The following XYLT1 variants were observed in gnomAD, a reference collection of about 807,000 sequenced individuals.
The protein encoded by XYLT1 is beta-D-xylosyltransferase 1.
A neutral mutation model predicts 91.3 loss-of-function variants in XYLT1; 36 were observed. That is an observed-to-expected ratio of 0.39 (90% confidence interval 0.30 to 0.52). The LOEUF is 0.52. XYLT1 is among the 20% of genes least tolerant of loss of function. XYLT1 has a pLI of 0.68. For missense variants in XYLT1, 1,242 were observed against 1,284.5 expected (o/e 0.97, Z 0.51); for synonymous variants, 588 against 532.0 (o/e 1.11, Z -1.45).
At position 17,102,533 on chromosome 16, in the gene XYLT1, T is replaced by C. The variant is rs1966718425; in HGVS notation, c.*6162A>G. The C allele has an allele frequency of 6.6e-6, 1 of 152,606 alleles. No individual in the cohort carries two copies. Among genetic ancestry groups the C allele is most frequent in the Non-Finnish European group, 1.5e-5 (1 of 68,044 alleles). The allele number at this position is 152,606 out of a possible 1,614,324, so 9.5% of individuals were successfully genotyped here. A position where few individuals can be genotyped will look rare whatever the true frequency, so the allele number is the denominator to read the frequency against. On this transcript the variant is annotated 3_prime_UTR_variant, in exon 12 of 12. Coordinates refer to ENST00000261381, the MANE Select transcript of XYLT1 (RefSeq NM_022166.4). Reference sequence around the variant, plus strand: ...TAAGGCACAATTTTGTTGTTGTTGTTGTTCTGCAAAATAAAAAGACAGAAA... The same window carrying C: ...TAAGGCACAATTTTGTTGTTGTTGTCGTTCTGCAAAATAAAAAGACAGAAA...
chr16:17,148,774 AAGAT>A, intron 6 of XYLT1, among the ~76,000 whole-genome samples: 1 of 152,342 alleles, frequency 6.6e-6, no homozygotes. Context: ...TCCCACCAAA[AAGAT>A]AGAAAGAACG....
chr16:17,289,766 A>G (rs1160857030), intron 2 of XYLT1, among the ~76,000 whole-genome samples: 1 of 152,220 alleles, frequency 6.6e-6, no homozygotes, highest in African/African-American at 2.4e-5. Flanking sequence ...ACCAAAATGA[A>G]AACAAAACAA....
chr16:17,117,946 A>G lies in XYLT1; in HGVS notation c.2257T>C (p.Phe753Leu), dbSNP rs1451558468. ...CCCAGAAGACCCCCAAAGTTGCGGA[A>G]TAGCCTCTCCTTGGCATCCCAGTCA... ...GTDWDAKERL[F>L]RNFGGLLGPM... is the part of the protein sequence containing the mutation. The change falls in exon 11 of 12, where the codon TTC becomes CTC. Residue 753 changes from phenylalanine to leucine, a missense_variant. Physicochemically the swap from Phe to Leu is conservative, Grantham distance 22 (BLOSUM62 0). Coordinates refer to ENST00000261381, the MANE Select transcript of XYLT1 (RefSeq NM_022166.4). The G allele has an allele frequency of 6.2e-7, 1 of 1,613,322 alleles. No homozygotes were observed. The highest frequency in any genetic ancestry group is 8.5e-7 in the Non-Finnish European group (1 of 1,179,288).
chr16:17,250,544 T>A (rs2141747544), intron 3 of XYLT1: 1 of 152,332 alleles, frequency 6.6e-6, no homozygotes, highest in Admixed American at 6.5e-5. Flanking sequence ...ATCTGGCCCT[T>A]TATAGAAACT....
At chr16:17,250,135 G>T in intron 3 of XYLT1, 1 of 152,228 alleles carries the variant, frequency 6.6e-6, no homozygotes, top group East Asian at 1.9e-4. Flanking sequence ...CTCCATGAGG[G>T]TACAGCCATC....
chr16:17,463,390 C>T (rs756194008), intron 1 of XYLT1, among the ~76,000 whole-genome samples: 6 of 152,050 alleles, frequency 3.9e-5, no homozygotes, highest in African/African-American at 4.8e-5. Flanking sequence ...ACAAGTAGTC[C>T]AATTTTTTAA....
At chr16:17,434,067 A>C (rs528289721) in intron 1 of XYLT1, among the ~76,000 whole-genome samples, 3 of 152,284 alleles carry the variant, frequency 2.0e-5, no homozygotes, top group South Asian at 2.1e-4. Flanking sequence ...GTATTGCATA[A>C]ATCCCATTAC....
intron 1 of XYLT1, among the ~76,000 whole-genome samples, chr16:17,450,085 T>TC: frequency 6.6e-6 from 1 of 152,092 alleles, no homozygotes; most frequent in Non-Finnish European, 1.5e-5. Context: ...ACACCTGTAA[T>TC]CCAGCACTTT....
intron 5 of XYLT1, among the ~76,000 whole-genome samples, chr16:17,178,826 T>C (rs756388310): frequency 3.9e-5 from 6 of 152,270 alleles, no homozygotes; most frequent in Admixed American, 1.3e-4. Flanking sequence ...TCCCAGAACT[T>C]TGTGAGCTCG....
intron 5 of XYLT1, among the ~76,000 whole-genome samples, chr16:17,161,154 G>A (rs1471402394): frequency 6.6e-6 from 1 of 152,210 alleles, no homozygotes; most frequent in Non-Finnish European, 1.5e-5. Flanking sequence ...CCCAGAAAGC[G>A]CCTTTCAGGG....
intron 3 of XYLT1, among the ~76,000 whole-genome samples, chr16:17,240,160 A>AT (rs1262034210): frequency 6.6e-6 from 1 of 152,236 alleles, no homozygotes; most frequent in Non-Finnish European, 1.5e-5. Context: ...AACTGCATGA[A>AT]TTGCTGGGAG....
rs1037051580 is a variant in XYLT1, at chr16:17,470,510, C to G, written c.287G>C (p.Arg96Pro). 102 of 1,229,586 alleles carry G rather than the reference C, an allele frequency of 8.3e-5. No homozygotes were observed. Among genetic ancestry groups the G allele is most frequent in the Non-Finnish European group, 9.9e-5 (98 of 987,128 alleles). The allele number at this position is 1,229,586 out of a possible 1,614,324, so 76.2% of individuals were successfully genotyped here. Residue 96 changes from arginine (R) to proline (P), a missense_variant, in exon 1 of 12, where the codon CGG (arginine) becomes CCG (proline). Physicochemically the swap from Arg to Pro is moderately radical, Grantham distance 103. Transcript: ENST00000261381. ...TTCTCCGGGGCCGCCTCCCCGCGCCCGCGCCTGGGGCCCCCGTCCTCCTCC... is the reference window on the plus strand; with the variant it reads ...TTCTCCGGGGCCGCCTCCCCGCGCCGGCGCCTGGGGCCCCCGTCCTCCTCC... Reference protein sequence around the residue: ...GGGGGRGPQARARGGGPGEPR... With the variant: ...GGGGGRGPQAPARGGGPGEPR...
At chr16:17,379,248 G>T (rs1201872180) in intron 1 of XYLT1, among the ~76,000 whole-genome samples, 1 of 152,218 alleles carries the variant, frequency 6.6e-6, no homozygotes, top group Non-Finnish European at 1.5e-5. Flanking sequence ...GCTAACTTCA[G>T]TTAGCTCACC....
At position 17,134,629 on chromosome 16, in the gene XYLT1, G is replaced by A. The variant is rs976573605; in HGVS notation, c.1871C>T (p.Thr624Ile). 1 of 1,614,090 alleles carries A rather than the reference G, an allele frequency of 6.2e-7. No homozygotes were observed. The highest frequency in any genetic ancestry group is 1.3e-5 in the African/African-American group (1 of 74,916). The change falls in exon 9 of 12, where the codon ACC becomes ATC. Residue 624 changes from threonine (T) to isoleucine (I), a missense_variant. This residue lies in a region of XYLT1 where 511 missense variants were observed against 497.0 expected (regional missense o/e 1.03). Coordinates refer to ENST00000261381, the MANE Select transcript of XYLT1 (RefSeq NM_022166.4). ...YYLYGNYPAGTPGLRSYWENV... is the reference protein window; with the variant it reads ...YYLYGNYPAGIPGLRSYWENV... Reference sequence around the variant, plus strand: ...CTCCCAGTAGGAGCGCAGGCCCGGGGTACCTGCAGGGTAGTTCCCGTACAG... The same window carrying A: ...CTCCCAGTAGGAGCGCAGGCCCGGGATACCTGCAGGGTAGTTCCCGTACAG...
chr16:17,339,325 C>T (rs1403164408), intron 2 of XYLT1, among the ~76,000 whole-genome samples: 1 of 152,170 alleles, frequency 6.6e-6, no homozygotes, highest in Non-Finnish European at 1.5e-5. Context: ...AGGCAACAGA[C>T]TGCAGTAGTA....
intron 2 of XYLT1, among the ~76,000 whole-genome samples, chr16:17,327,386 A>T (rs2034823553): frequency 1.5e-5 from 2 of 130,176 alleles, no homozygotes; most frequent in African/African-American, 2.9e-5. Context: ...TTTTTGAGAT[A>T]GAGTCTCGCT....
intron 6 of XYLT1, among the ~76,000 whole-genome samples, chr16:17,154,625 C>A (rs1208389200): frequency 6.6e-6 from 1 of 152,182 alleles, no homozygotes; most frequent in African/African-American, 2.4e-5. Flanking sequence ...AATTGTGCTA[C>A]CTGTCTTGCA....
At chr16:17,348,951 G>A (rs569787879) in intron 2 of XYLT1, among the ~76,000 whole-genome samples, 2 of 152,294 alleles carry the variant, frequency 1.3e-5, no homozygotes, top group South Asian at 2.1e-4. Flanking sequence ...CTGAGCCTCC[G>A]GCTCGTAAGT....
At chr16:17,326,668 CAA>C (rs1300587889) in intron 2 of XYLT1, among the ~76,000 whole-genome samples, 1 of 151,676 alleles carries the variant, frequency 6.6e-6, no homozygotes, top group African/African-American at 2.4e-5. Context: ...TTAAAAAATA[CAA>C]AAAAATTAGC....
Sources: allele counts gnomAD v4.1 joint callset (sites outside exome capture counted in the v4.1 genomes callset), GRCh38; gene constraint gnomAD v4.1.1; regional missense constraint gnomAD v4.1.1; transcripts MANE v1.5; gene names NCBI Gene and HGNC (gene_info 2026-07-23, HGNC 2026-07-21).